The following KIF15 variants were observed in gnomAD, a reference collection of about 807,000 sequenced individuals.
KIF15 encodes kinesin-like protein KIF15.
A neutral mutation model predicts 190.6 loss-of-function variants in KIF15; 140 were observed. The observed-to-expected ratio is 0.73, with a 90% CI of 0.64 to 0.84. KIF15 has a LOEUF of 0.84. Among genes scored for constraint, KIF15 ranks in the 40% least tolerant of loss-of-function variants. The probability of loss-of-function intolerance (pLI) is 0.00; values close to 1 mark genes in which losing one functional copy is unlikely to be tolerated. For missense variants in KIF15, 1,372 were observed against 1,584.4 expected, an observed-to-expected ratio of 0.87 and a Z score of 2.28; for synonymous variants, 528 against 551.3, an observed-to-expected ratio of 0.96 and a Z score of 0.59.
At chr3:44,804,601 A>G (rs1235955718) in intron 14 of KIF15, among the ~76,000 whole-genome samples, 5 of 152,118 alleles carry the variant, frequency 3.3e-5, no homozygotes, top group Admixed American at 6.5e-5. Flanking sequence ...TGCCTTAACT[A>G]CACTTCTCCA....
intron 33 of KIF15, 21 bp downstream of exon 33, chr3:44,851,973 T>C: frequency 1.2e-6 from 2 of 1,603,488 alleles, no homozygotes; most frequent in Non-Finnish European, 1.7e-6. Context: ...GTGTTGGTGT[T>C]TTCATGATAC....
chr3:44,774,963 G>A (rs1705805363), intron 2 of KIF15, among the ~76,000 whole-genome samples: 1 of 152,110 alleles, frequency 6.6e-6, no homozygotes, highest in South Asian at 2.1e-4. Context: ...AGCTGGGTGT[G>A]ATGGCAGATC....
At position 44,828,282 on chromosome 3, in the gene KIF15, G is replaced by A; in HGVS notation, c.2925G>A (p.Lys975=). The change falls in exon 24 of 35, where the codon AAG becomes AAA. Residue 975 remains lysine, a synonymous_variant. Transcript: ENST00000326047. ...ATEKVISSLE[K]SRDSDKKVVA... ...AAAAAGTGATCAGTTCCCTGGAAAA[G>A]TCTAGAGATTCTGATAAGGTTGGTA... 1 of 1,611,726 alleles carries A rather than the reference G, an allele frequency of 6.2e-7. No individual in the cohort carries two copies. The highest frequency in any genetic ancestry group is 8.5e-7 in the Non-Finnish European group (1 of 1,177,856).
At chr3:44,848,480 C>T (rs1366761918) in intron 31 of KIF15, 41 bp from the exon 32 acceptor site, 2 of 882,342 alleles carry the variant, frequency 2.3e-6, no homozygotes, top group Non-Finnish European at 3.5e-6. Flanking sequence ...ATTTAAGAAC[C>T]TAAGCAATCT....
chr3:44,832,019 T>C lies in KIF15; in HGVS notation c.3171+1001T>C, dbSNP rs1231031780. Among the ~76,000 whole-genome samples, 4 of 152,336 alleles carry C rather than the reference T, an allele frequency of 2.6e-5. No individual in the cohort carries two copies. The East Asian group carries it at 5.8e-4, about 22-fold the overall frequency. On this transcript the variant is annotated intron_variant, in intron 26 of 34. Transcript: ENST00000326047. ...GAATGGAAAGATGATTGAAAAACAC[T>C]GTTACTTACATCAAAGCATGCATTC...
Position 44,775,448 on chromosome 3 carries a change from T to C in KIF15, c.246+11T>C. On this transcript the variant is annotated intron_variant, in intron 3 of 34. Transcript: ENST00000326047. The stretch of plus-strand genomic sequence containing the variant: ...GTGGATACCACTCAGGTAATGATAA[T>C]TAGAAACTTAACTTTTTTTTTTTTT... The C allele has an allele frequency of 6.4e-7, 1 of 1,562,888 alleles. No individual in the cohort carries two copies. Among genetic ancestry groups the C allele is most frequent in the South Asian group, 1.2e-5 (1 of 86,158 alleles).
downstream of KIF15, among the ~76,000 whole-genome samples, chr3:44,857,523 AG>A (rs1218420848): frequency 6.6e-6 from 1 of 152,186 alleles, no homozygotes; most frequent in Non-Finnish European, 1.5e-5. Context: ...TGTAATGAAA[AG>A]GGTTGGGATG....
intron 7 of KIF15, among the ~76,000 whole-genome samples, chr3:44,791,254 T>C (rs1575598050): frequency 4.6e-5 from 7 of 152,342 alleles, no homozygotes; most frequent in Admixed American, 6.5e-5. Flanking sequence ...CCTTTGCATC[T>C]TTGGTGAATT....
In KIF15 at chr3:44,813,159, G is replaced by T; in HGVS notation, c.2362G>T (p.Glu788Ter). 6.3e-7 allele frequency: 1 copy of T among 1,599,732 alleles called. No individual in the cohort carries two copies. ...QLNVLEKQLQ[E>*]TQTKNDFLKS... is the part of the protein sequence containing the mutation. ...GAATGTCCTTGAAAAGCAGCTTCAA[G>T]AGACTCAAACTAAAAATGACTGTAA... Residue 788 changes from glutamate to a stop codon, truncating the protein, a stop_gained, in exon 19 of 35, where the codon GAG becomes TAG. Transcript: ENST00000326047. LOFTEE classifies it high-confidence loss of function.
At chr3:44,823,932 G>A (rs1187331946) in intron 20 of KIF15, among the ~76,000 whole-genome samples, 1 of 152,172 alleles carries the variant, frequency 6.6e-6, no homozygotes, top group Non-Finnish European at 1.5e-5. Flanking sequence ...GCTTCCCTTG[G>A]CTAGGAAAGG....
At chr3:44,794,684 G>T (rs566902761) in intron 8 of KIF15, among the ~76,000 whole-genome samples, 3 of 152,040 alleles carry the variant, frequency 2.0e-5, no homozygotes, top group Admixed American at 2.0e-4. Flanking sequence ...CCTGTTAGCC[G>T]GGCGCGGTGG....
rs1164391414 is a variant in KIF15, at chr3:44,840,456, G to C, written c.3420G>C (p.Gln1140His). ...TGGATTCTGCTGCTGAGGATCCCCA[G>C]GTACTTTTCAGAAAAAGATTATTTC... Reference protein sequence around the residue: ...HVMDSAAEDPQSPKTPPHFQT... With the variant: ...HVMDSAAEDPHSPKTPPHFQT... Residue 1140 changes from glutamine (Q) to histidine (H), a missense_variant and splice_region_variant, in exon 28 of 35, where the codon CAG (glutamine) becomes CAC (histidine). By Grantham distance (24) the Gln-to-His change is conservative (BLOSUM62 0). Transcript: ENST00000326047. 11 of 1,580,762 alleles carry C rather than the reference G, an allele frequency of 7.0e-6. No individual in the cohort carries two copies. The highest frequency in any genetic ancestry group is 9.5e-6 in the Non-Finnish European group (11 of 1,161,508).
rs545543617 is a variant in KIF15, at chr3:44,766,871, C to T, written c.19+4987C>T. 2.7e-4 allele frequency among the ~76,000 whole-genome samples: 35 copies of T among 131,422 alleles called. No individual in the cohort carries two copies. In the South Asian group the frequency reaches 5.8e-3, roughly 22 times the overall value. The allele number at this position is 131,422 out of a possible 152,430, so 86.2% of individuals were successfully genotyped here. ...TGTCTCCCAGGCTGGAGTGCAGTGG[C>T]GTGATCTCGGCTCACTGCAAGCTCC... On this transcript the variant is annotated intron_variant, in intron 1 of 34. Coordinates refer to ENST00000326047, the MANE Select transcript of KIF15 (RefSeq NM_020242.3).
intron 26 of KIF15, among the ~76,000 whole-genome samples, chr3:44,833,549 GCT>G (rs1698169855): frequency 6.6e-6 from 1 of 152,002 alleles, no homozygotes; most frequent in Non-Finnish European, 1.5e-5. Context: ...TAGAGTTAAT[GCT>G]TCTGTGAGAA....
chr3:44,806,085 A>C (rs1395188471), intron 16 of KIF15, 99 bp downstream of exon 16: 1 of 1,335,426 alleles, frequency 7.5e-7, no homozygotes, highest in Non-Finnish European at 1.0e-6. Flanking sequence ...TGCAGATGAC[A>C]TCCCATGCAG....
chr3:44,824,389 T>TC (rs1697531530), intron 20 of KIF15, among the ~76,000 whole-genome samples: 1 of 152,036 alleles, frequency 6.6e-6, no homozygotes, highest in African/African-American at 2.4e-5. Flanking sequence ...CACCACCCTG[T>TC]CCCATTTCCC....
chr3:44,818,800 A>G (rs995726922), intron 20 of KIF15, among the ~76,000 whole-genome samples: 3 of 152,162 alleles, frequency 2.0e-5, no homozygotes, highest in Non-Finnish European at 4.4e-5. Context: ...ATTGATTGGA[A>G]TAGTTTCAGA....
intron 10 of KIF15, among the ~76,000 whole-genome samples, chr3:44,798,428 C>A (rs183506912): frequency 6.6e-6 from 1 of 151,756 alleles, no homozygotes; most frequent in African/African-American, 2.4e-5. Context: ...TGCAGTGGTG[C>A]GATCTCTGCT....
At chr3:44,848,719 G>C (rs868452032) in intron 32 of KIF15, among the ~76,000 whole-genome samples, 161 bp downstream of exon 32, 17 of 151,912 alleles carry the variant, frequency 1.1e-4, no homozygotes, top group South Asian at 6.2e-4. Context: ...TTGCTAAAAG[G>C]GTTTCTCATG....
Sources: allele counts gnomAD v4.1 joint callset (sites outside exome capture counted in the v4.1 genomes callset), GRCh38; gene constraint gnomAD v4.1.1; transcripts MANE v1.5; gene names NCBI Gene and HGNC (gene_info 2026-07-23, HGNC 2026-07-21).